Variants in FABP9 observed in about 807,000 individuals in gnomAD.
FABP9 encodes the protein fatty acid binding protein 9.
Under a neutral mutation model 14.7 loss-of-function variants are expected in FABP9, and 11 were observed. That is an observed-to-expected ratio of 0.75 (90% CI 0.47 to 1.24). The LOEUF is 1.24. FABP9 is among the 50% of genes most tolerant of loss of function. The pLI, the probability that FABP9 is intolerant of heterozygous loss-of-function variation, is 0.00. For synonymous variants in FABP9, 54 were observed against 50.6 expected, an observed-to-expected ratio of 1.07 and a Z score of -0.29; for missense variants, 171 against 158.2, an observed-to-expected ratio of 1.08 and a Z score of -0.44.
chr8:81,460,255 C>T (rs1807671201), intron 1 of FABP9, among the ~76,000 whole-genome samples: 1 of 152,198 alleles, frequency 6.6e-6, no homozygotes. Flanking sequence ...CTGCCTTGGC[C>T]TCCCAAAGTG....
intron 1 of FABP9, 105 bp from the exon 2 acceptor site, chr8:81,459,442 T>TA: frequency 9.9e-7 from 1 of 1,006,250 alleles, no homozygotes; most frequent in Non-Finnish European, 1.4e-6. Flanking sequence ...AAATTTTGGA[T>TA]AATGTATAGT....
rs1807625258 is a variant in FABP9, at chr8:81,458,261, G to A, written c.*122C>T. 1 of 737,606 alleles carries A rather than the reference G, an allele frequency of 1.4e-6. No homozygotes were observed. Among genetic ancestry groups the A allele is most frequent in the East Asian group, 2.5e-5 (1 of 39,580 alleles). 45.7% of individuals were successfully genotyped at this position (737,606 alleles called of 1,614,324 possible). On this transcript the variant is annotated 3_prime_UTR_variant, in exon 4 of 4. Transcript: ENST00000379071. ...ATAGCTTCAAAACTGCACTTAATTTGATGCTTTTATTAAGCAAATTTATAT... is the reference window on the plus strand; with the variant it reads ...ATAGCTTCAAAACTGCACTTAATTTAATGCTTTTATTAAGCAAATTTATAT...
chr8:81,458,524 A>T (rs1807629774), intron 3 of FABP9, 78 bp downstream of exon 3: 1 of 1,484,142 alleles, frequency 6.7e-7, no homozygotes, highest in Non-Finnish European at 9.4e-7. Context: ...TTAATTCAGG[A>T]TGCAAAAACA....
In FABP9 at chr8:81,461,457, C is replaced by A. The variant is rs775984464; in HGVS notation, c.67G>T (p.Glu23Ter). 3 of 1,611,426 alleles carry A rather than the reference C, an allele frequency of 1.9e-6. No individual in the cohort carries two copies. Among genetic ancestry groups the A allele is most frequent in the Non-Finnish European group, 1.7e-6 (2 of 1,177,598 alleles). The change falls in exon 1 of 4, where the codon GAA becomes TAA. Residue 23 changes from glutamate to a stop codon, truncating the protein, a stop_gained. Coordinates refer to ENST00000379071, the MANE Select transcript of FABP9 (RefSeq NM_001080526.2). LOFTEE classifies it high-confidence loss of function. ...SSENFEDYMK[E>*]LGVNFAARNM... ...TTGTAATGGTATTTCTCACCCAGTT[C>A]TTTCATGTAATCCTCAAAGTTTTCA...
chr8:81,461,447 T>A lies in FABP9; in HGVS notation c.73+4A>T, dbSNP rs1807691336. ...ATTTCCAAATTTGTAATGGTATTTC[T>A]CACCCAGTTCTTTCATGTAATCCTC... On this transcript the variant is annotated splice_donor_region_variant and intron_variant, in intron 1 of 3. Transcript: ENST00000379071. 3 of 1,605,526 alleles carry A rather than the reference T, an allele frequency of 1.9e-6. No individual in the cohort carries two copies. Among genetic ancestry groups the A allele is most frequent in the Admixed American group, 1.7e-5 (1 of 59,974 alleles).
chr8:81,459,079 G>C (rs184965635), intron 2 of FABP9, 86 bp downstream of exon 2: 2 of 1,189,508 alleles, frequency 1.7e-6, no homozygotes, highest in East Asian at 2.6e-5. Flanking sequence ...GACAGACTTG[G>C]TGATAAATCA....
chr8:81,459,116 C>T (rs1436833880), intron 2 of FABP9, 49 bp downstream of exon 2: 1 of 1,524,732 alleles, frequency 6.6e-7, no homozygotes, highest in African/African-American at 1.4e-5. Context: ...GCCTAACCAC[C>T]TTCTAACTTT....
At chr8:81,458,510 A>G in intron 3 of FABP9, 77 bp from the exon 4 acceptor site, 5 of 1,485,586 alleles carry the variant, frequency 3.4e-6, no homozygotes, top group Non-Finnish European at 4.7e-6. Flanking sequence ...CTCAGACCAA[A>G]CCCTTAATTC....
chr8:81,459,637 A>G (rs569861785), intron 1 of FABP9, among the ~76,000 whole-genome samples: 6 of 152,282 alleles, frequency 3.9e-5, no homozygotes, highest in African/African-American at 1.4e-4. Context: ...GAGTGTTACG[A>G]TAACCTTGTG....
chr8:81,460,451 A>ACC (rs141632181), intron 1 of FABP9, among the ~76,000 whole-genome samples: 19 of 151,868 alleles, frequency 1.3e-4, no homozygotes, highest in South Asian at 4.2e-4. Context: ...TTTTTTATAT[A>ACC]CCCCCCCAAT....
chr8:81,459,291 T>A lies in FABP9; in HGVS notation c.120A>T (p.Thr40=), dbSNP rs577362235. 1.3e-6 allele frequency: 2 copies of A among 1,567,340 alleles called. No homozygotes were observed. The highest frequency in any genetic ancestry group is 4.1e-5 in the Admixed American group (2 of 49,154). Residue 40 remains threonine (T), a synonymous_variant, in exon 2 of 4, where the codon ACA becomes ACT. Coordinates refer to ENST00000379071, the MANE Select transcript of FABP9 (RefSeq NM_001080526.2). ...ARNMAGLVKP[T]VTISVDGKMM... ...TTTTCCCATCAACACTAATAGTTAC[T>A]GTCGGTTTCACTAACCCTGCCATGT...
At position 81,458,293 on chromosome 8, in the gene FABP9, AT is replaced by A. The variant is rs1205005204; in HGVS notation, c.*89del. The A allele has an allele frequency of 1.3e-5, 13 of 991,256 alleles. No homozygotes were observed. In the Admixed American group the frequency reaches 2.6e-4, roughly 20 times the overall value. The allele number at this position is 991,256 out of a possible 1,614,324, so 61.4% of individuals were successfully genotyped here. On this transcript the variant is annotated 3_prime_UTR_variant, in exon 4 of 4. Transcript: ENST00000379071. ...TTATTAAGCAAATTTATATTGAGAC[AT>A]TTTTTAAAAATCACCAGCCCTGAGG...
chr8:81,460,809 A>G (rs1032938253), intron 1 of FABP9, among the ~76,000 whole-genome samples: 6 of 152,322 alleles, frequency 3.9e-5, no homozygotes, highest in Admixed American at 3.3e-4. Context: ...CAGTTTAGCT[A>G]TTATACACCC....
chr8:81,459,081 G>T, intron 2 of FABP9, 84 bp downstream of exon 2: 1 of 1,229,786 alleles, frequency 8.1e-7, no homozygotes, highest in Non-Finnish European at 1.1e-6. Flanking sequence ...CAGACTTGGT[G>T]ATAAATCAAA....
rs747760713 is a variant in FABP9, at chr8:81,461,501, G to A, written c.23C>T (p.Thr8Ile). MVEPFLG[T>I]WKLVSSENFE... is the part of the protein sequence containing the mutation. ...GTTTTCACTGGAGACCAGCTTCCAGGTTCCCAAGAAGGGCTCAACCATCAT... is the reference window on the plus strand; with the variant it reads ...GTTTTCACTGGAGACCAGCTTCCAGATTCCCAAGAAGGGCTCAACCATCAT... Residue 8 changes from threonine to isoleucine, a missense_variant, in exon 1 of 4, where the codon ACC (threonine) becomes ATC (isoleucine). Physicochemically the swap from Thr to Ile is moderately conservative, Grantham distance 89 (BLOSUM62 -1). Transcript: ENST00000379071. 7.7e-5 allele frequency: 125 copies of A among 1,613,492 alleles called. No homozygotes were observed. Among genetic ancestry groups the A allele is most frequent in the Non-Finnish European group, 1.0e-4 (118 of 1,179,682 alleles).
In FABP9 at chr8:81,459,245, T is replaced by A. The variant is rs1053342793; in HGVS notation, c.166A>T (p.Ser56Cys). 6.3e-6 allele frequency: 10 copies of A among 1,586,298 alleles called. No homozygotes were observed. In the South Asian group the frequency reaches 1.2e-4, roughly 19 times the overall value. The change falls in exon 2 of 4, where the codon AGT becomes TGT. Residue 56 changes from serine (S) to cysteine (C), a missense_variant. Transcript: ENST00000379071. ...GAGATCTTAGTGTCCTGGAAAGAAC[T>A]TTCTGTTCTTATGGTCATCATTTTC... Reference protein sequence around the residue: ...DGKMMTIRTESSFQDTKISFK... With the variant: ...DGKMMTIRTECSFQDTKISFK...
intron 1 of FABP9, among the ~76,000 whole-genome samples, chr8:81,459,979 GTTTT>G (rs568405597): frequency 1.3e-5 from 2 of 149,228 alleles, no homozygotes; most frequent in African/African-American, 2.5e-5. Context: ...GACCTCGCAA[GTTTT>G]TTTTTTGTTT....
In FABP9 at chr8:81,459,216, G is replaced by A. The variant is rs151271781; in HGVS notation, c.195C>T (p.Phe65=). ...ESSFQDTKIS[F]KLGEEFDETT... Reference sequence around the variant, plus strand: ...TTTCATCAAATTCTTCCCCCAGCTTGAAGGAGATCTTAGTGTCCTGGAAAG... The same window carrying A: ...TTTCATCAAATTCTTCCCCCAGCTTAAAGGAGATCTTAGTGTCCTGGAAAG... The change falls in exon 2 of 4, where the codon TTC becomes TTT. Residue 65 remains phenylalanine, a synonymous_variant. Transcript: ENST00000379071. The A allele has an allele frequency of 1.3e-6, 2 of 1,593,546 alleles. No homozygotes were observed. Among genetic ancestry groups the A allele is most frequent in the African/African-American group, 1.4e-5 (1 of 72,848 alleles).
chr8:81,461,514 G>T lies in FABP9; in HGVS notation c.10C>A (p.Pro4Thr). MVE[P>T]FLGTWKLVSS... ...ACCAGCTTCCAGGTTCCCAAGAAGG[G>T]CTCAACCATCATGGAACACTTGCTG... The change falls in exon 1 of 4, where the codon CCC (proline) becomes ACC (threonine). Residue 4 changes from proline to threonine, a missense_variant. Coordinates refer to ENST00000379071, the MANE Select transcript of FABP9 (RefSeq NM_001080526.2). 2 of 1,613,224 alleles carry T rather than the reference G, an allele frequency of 1.2e-6. No individual in the cohort carries two copies. Among genetic ancestry groups the T allele is most frequent in the Non-Finnish European group, 1.7e-6 (2 of 1,179,302 alleles).
Sources: allele counts gnomAD v4.1 joint callset (sites outside exome capture counted in the v4.1 genomes callset), GRCh38; gene constraint gnomAD v4.1.1; transcripts MANE v1.5; gene names NCBI Gene and HGNC (gene_info 2026-07-23, HGNC 2026-07-21).